SARS1: variants seen among roughly 807,000 people sequenced by gnomAD.
SARS1 encodes serine--tRNA ligase, cytoplasmic.
SARS1 carries 25 observed loss-of-function variants against 63.7 expected under a neutral mutation model. The observed-to-expected ratio is 0.39, with a 90% CI of 0.29 to 0.55. SARS1 has a LOEUF of 0.55. Ranked by LOEUF, SARS1 falls within the 20% of genes least tolerant of loss-of-function variation. The pLI is 0.62. For missense variants in SARS1, 417 were observed against 649.7 expected, an observed-to-expected ratio of 0.64 and a Z score of 3.89; for synonymous variants, 231 against 243.5, an observed-to-expected ratio of 0.95 and a Z score of 0.48.
intron 1 of SARS1, chr1:109,216,660 G>T: frequency 2.3e-6 from 2 of 879,210 alleles, no homozygotes; most frequent in Non-Finnish European, 2.7e-6. Flanking sequence ...TTTGAGACAA[G>T]GTCTCACTGT....
chr1:109,229,349 A>T, intron 3 of SARS1, 65 bp from the exon 4 acceptor site: 2 of 1,540,952 alleles, frequency 1.3e-6, no homozygotes, highest in Non-Finnish European at 1.8e-6. Flanking sequence ...AGGGCAACCG[A>T]ATCATATTCC....
At chr1:109,222,599 T>C (rs186111262) in intron 1 of SARS1, among the ~76,000 whole-genome samples, 8 of 152,366 alleles carry the variant, frequency 5.3e-5, no homozygotes, top group Non-Finnish European at 1.2e-4. Flanking sequence ...AATAGTGATA[T>C]CATTTTGCAT....
intron 1 of SARS1, among the ~76,000 whole-genome samples, chr1:109,221,080 G>A: frequency 8.1e-6 from 1 of 123,620 alleles, no homozygotes. Context: ...TTTTTTTCTT[G>A]AGACAGAGTC....
chr1:109,230,976 C>T lies in SARS1; in HGVS notation c.546C>T (p.Gly182=), dbSNP rs137967550. 21 of 1,560,288 alleles carry T rather than the reference C, an allele frequency of 1.3e-5. No individual in the cohort carries two copies. The highest frequency in any genetic ancestry group is 7.4e-5 in the Admixed American group (4 of 53,934). Residue 182 remains glycine (G), a synonymous_variant, in exon 5 of 11, where the codon GGC becomes GGT. Transcript: ENST00000234677. The part of the protein sequence containing the change: ...DLVVMVDGFE[G]EKGAVVAGSR... ...TGGTGATGGTAGATGGCTTTGAAGG[C>T]GAAAAGGGGGCCGTGGTGGCTGGGA...
chr1:109,220,029 TG>T lies in SARS1; in HGVS notation c.137-3948del, dbSNP rs146236384. 9.2e-3 allele frequency among the ~76,000 whole-genome samples: 1,405 copies of T among 152,352 alleles called. 37 individuals carry two copies. Among genetic ancestry groups the T allele is most frequent in the Admixed American group, 0.054 (823 of 15,302 alleles). On this transcript the variant is annotated intron_variant, in intron 1 of 10. Transcript: ENST00000234677. The stretch of plus-strand genomic sequence containing the variant: ...TAGAGACTCTTTTTTAAAAAATGTT[TG>T]ATTGGCAATTAACAGATTATAGTTG...
Position 109,237,036 on chromosome 1 carries a change from A to T in SARS1, c.1258-208A>T. The T allele has an allele frequency of 8.0e-7, 1 of 1,245,034 alleles. No homozygotes were observed. Among genetic ancestry groups the T allele is most frequent in the East Asian group, 2.6e-5 (1 of 38,948 alleles). 77.1% of individuals were successfully genotyped at this position (1,245,034 alleles called of 1,614,324 possible). A position where few individuals can be genotyped will look rare whatever the true frequency, so the allele number is the denominator to read the frequency against. On this transcript the variant is annotated intron_variant, in intron 9 of 10. Transcript: ENST00000234677. This position sits in a 1 kb window ranked among gnomAD's most constrained non-coding sequence, Gnocchi z 4.1. ...AGAAGCTACCACTTGTCACTCATCG[A>T]AACATGAGGGATCTTTCTGCAGTTA...
chr1:109,225,740 A>G (rs1356609332), intron 2 of SARS1, among the ~76,000 whole-genome samples: 1 of 152,222 alleles, frequency 6.6e-6, no homozygotes, highest in Non-Finnish European at 1.5e-5. Context: ...GGGTAAGGGA[A>G]TCGGCTTAGG....
At chr1:109,232,285 GGA>G (rs1655226650) in intron 6 of SARS1, among the ~76,000 whole-genome samples, 1 of 152,164 alleles carries the variant, frequency 6.6e-6, no homozygotes, top group Admixed American at 6.5e-5. Context: ...ACCATGTCAG[GGA>G]GAGCCAGACA....
upstream of SARS1, chr1:109,213,907 AGC>A: frequency 6.8e-7 from 1 of 1,466,194 alleles, no homozygotes; most frequent in Non-Finnish European, 9.1e-7. Flanking sequence ...AGGGCGGGTC[AGC>A]GCGCCGGCGC....
chr1:109,231,491 G>C (rs1655210773), intron 5 of SARS1, 140 bp from the exon 6 acceptor site: 1 of 589,922 alleles, frequency 1.7e-6, no homozygotes, highest in Admixed American at 3.3e-5. Context: ...CAGTTGCTGG[G>C]ATCTGTGGTC....
intron 3 of SARS1, 148 bp downstream of exon 3, chr1:109,228,580 A>G (rs1359842163): frequency 3.3e-6 from 2 of 601,436 alleles, no homozygotes; most frequent in Non-Finnish European, 5.8e-6. Context: ...CATTCTTGTT[A>G]TATTCTATAT....
Position 109,237,513 on chromosome 1 carries a change from A to G in SARS1, c.1387+140A>G. On this transcript the variant is annotated intron_variant, in intron 10 of 10. Transcript: ENST00000234677. This position sits in a 1 kb window ranked among gnomAD's most constrained non-coding sequence, Gnocchi z 4.1. ...CTCTGTCTGCCCTCTCGGGCTGGGC[A>G]GGGCAGGGGGCCTGGTTGAGAAAGT... 1 of 1,349,760 alleles carries G rather than the reference A, an allele frequency of 7.4e-7. No homozygotes were observed. Among genetic ancestry groups the G allele is most frequent in the Non-Finnish European group, 1.0e-6 (1 of 975,700 alleles). The allele number at this position is 1,349,760 out of a possible 1,614,324, so 83.6% of individuals were successfully genotyped here.
At position 109,235,515 on chromosome 1, in the gene SARS1, G is replaced by A; in HGVS notation, c.969+84G>A. The stretch of plus-strand genomic sequence containing the variant: ...GAGAGATAGGATCTGTGTTGCTGAG[G>A]CCCATCCTGGCTCCAGCTTTTCCTC... On this transcript the variant is annotated intron_variant, in intron 7 of 10. Transcript: ENST00000234677. The surrounding 1 kb of genome is among the most constrained non-coding windows in gnomAD (Gnocchi z 4.7). The A allele has an allele frequency of 1.8e-6, 2 of 1,084,094 alleles. No individual in the cohort carries two copies. The highest frequency in any genetic ancestry group is 2.7e-6 in the Non-Finnish European group (2 of 746,604). The allele number at this position is 1,084,094 out of a possible 1,614,324, so 67.2% of individuals were successfully genotyped here. A position where few individuals can be genotyped will look rare whatever the true frequency, so the allele number is the denominator to read the frequency against.
chr1:109,231,138 A>C, intron 5 of SARS1, 117 bp downstream of exon 5: 1 of 600,952 alleles, frequency 1.7e-6, no homozygotes, highest in Non-Finnish European at 2.3e-6. Flanking sequence ...CCACAGATCT[A>C]CCAGTTGTAC....
chr1:109,235,204 C>T lies in SARS1; in HGVS notation c.748-6C>T. On this transcript the variant is annotated splice_polypyrimidine_tract_variant and splice_region_variant and intron_variant, in intron 6 of 10. Coordinates refer to ENST00000234677, the MANE Select transcript of SARS1 (RefSeq NM_006513.4). This position sits in a 1 kb window ranked among gnomAD's most constrained non-coding sequence, Gnocchi z 4.7. ...TCTTAACTGGTATAGCTCCTTCCTT[C>T]CACAGGTGATTGGCAAAGGCAGTGA... 6.2e-7 allele frequency: 1 copy of T among 1,611,884 alleles called. No homozygotes were observed. Among genetic ancestry groups the T allele is most frequent in the African/African-American group, 1.3e-5 (1 of 75,024 alleles).
chr1:109,227,406 A>C (rs971712128), intron 2 of SARS1, among the ~76,000 whole-genome samples: 1 of 152,246 alleles, frequency 6.6e-6, no homozygotes, highest in African/African-American at 2.4e-5. Flanking sequence ...CGGAAGGATG[A>C]GAAGAGAAAC....
Position 109,237,474 on chromosome 1 carries a change from C to A in SARS1, c.1387+101C>A. On this transcript the variant is annotated intron_variant, in intron 10 of 10. Transcript: ENST00000234677. The surrounding 1 kb of genome is among the most constrained non-coding windows in gnomAD (Gnocchi z 4.1). ...GATATACCAGGTTTTTTTGTTCAGA[C>A]ACAGCCCCTGAAACTCTGTCTGCCC... 6.5e-7 allele frequency: 1 copy of A among 1,535,426 alleles called. No individual in the cohort carries two copies. The highest frequency in any genetic ancestry group is 8.9e-7 in the Non-Finnish European group (1 of 1,123,514).
chr1:109,217,207 C>T (rs1016070947), intron 1 of SARS1: 1 of 880,986 alleles, frequency 1.1e-6, no homozygotes, highest in African/African-American at 1.8e-5. Context: ...ATAAATCCAC[C>T]ATAAGTTGAA....
At position 109,231,083 on chromosome 1, in the gene SARS1, ATTTT is replaced by A. The variant is rs61633547; in HGVS notation, c.591+74_591+77del. On this transcript the variant is annotated intron_variant, in intron 5 of 10. Transcript: ENST00000234677. The stretch of plus-strand genomic sequence containing the variant: ...AAAGAAACAAAATATATATATATAT[ATTTT>A]TTTTTTTTTTTGTAGAGAAACATAA... 8.0e-4 allele frequency: 542 copies of A among 679,692 alleles called. 1 individual carries two copies. Among genetic ancestry groups the A allele is most frequent in the Non-Finnish European group, 8.9e-4 (467 of 524,086 alleles). The allele number at this position is 679,692 out of a possible 1,614,324, so 42.1% of individuals were successfully genotyped here. A position where few individuals can be genotyped will look rare whatever the true frequency, so the allele number is the denominator to read the frequency against.
Sources: allele counts gnomAD v4.1 joint callset (sites outside exome capture counted in the v4.1 genomes callset), GRCh38; gene constraint gnomAD v4.1.1; non-coding constraint Gnocchi (gnomAD v3.1); transcripts MANE v1.5; gene names NCBI Gene and HGNC (gene_info 2026-07-23, HGNC 2026-07-21).